CHST8: variants seen among roughly 807,000 people sequenced by gnomAD.
The protein encoded by CHST8 is carbohydrate sulfotransferase 8, also known as GALNAC-4-ST1.
A neutral mutation model predicts 15.0 loss-of-function variants in CHST8; 10 were observed. The ratio of observed to expected loss-of-function variants is 0.67; its 90% CI spans 0.41 to 1.13. The LOEUF is 1.13. Among genes scored for constraint, CHST8 ranks in the 50% most tolerant of loss-of-function variants. The pLI is 0.00. For synonymous variants in CHST8, 259 were observed against 256.6 expected, an observed-to-expected ratio of 1.01 and a Z score of -0.09; for missense variants, 634 against 608.2, an observed-to-expected ratio of 1.04 and a Z score of -0.45.
intron 3 of CHST8, among the ~76,000 whole-genome samples, chr19:33,706,137 G>C (rs985872844): frequency 1.3e-5 from 2 of 152,164 alleles, no homozygotes; most frequent in Admixed American, 1.3e-4. Context: ...AAGTCTTCTT[G>C]GTGACCGGAC....
At chr19:33,727,947 C>T (rs776329726) in intron 3 of CHST8, among the ~76,000 whole-genome samples, 3 of 152,218 alleles carry the variant, frequency 2.0e-5, no homozygotes, top group Non-Finnish European at 2.9e-5. Flanking sequence ...GGCCCAGCCC[C>T]GGCCCACACT....
intron 2 of CHST8, among the ~76,000 whole-genome samples, chr19:33,688,118 G>A (rs1047537205): frequency 2.0e-5 from 3 of 152,194 alleles, no homozygotes; most frequent in Admixed American, 6.5e-5. Flanking sequence ...GCGGGGTTGG[G>A]GGGTCCCTAG....
At chr19:33,640,819 C>T (rs1972274173) in intron 1 of CHST8, among the ~76,000 whole-genome samples, 1 of 152,172 alleles carries the variant, frequency 6.6e-6, no homozygotes, top group Non-Finnish European at 1.5e-5. Context: ...ACGACGCCTC[C>T]CTGCTGGCCC....
intron 3 of CHST8, among the ~76,000 whole-genome samples, chr19:33,763,630 A>G (rs974097990): frequency 3.3e-5 from 5 of 152,222 alleles, no homozygotes; most frequent in Non-Finnish European, 5.9e-5. Context: ...TCCCATGAAC[A>G]CAGATGAGAA....
chr19:33,694,885 A>G (rs1041130733), intron 3 of CHST8, among the ~76,000 whole-genome samples: 8 of 151,814 alleles, frequency 5.3e-5, no homozygotes, highest in African/African-American at 2.4e-5. Flanking sequence ...CTAGCTTTAC[A>G]TGTTCTAATG....
At chr19:33,763,589 G>A (rs8112008) in intron 3 of CHST8, among the ~76,000 whole-genome samples, 38,292 of 152,180 alleles carry the variant, frequency 0.25, 5,027 homozygotes, top group African/African-American at 0.27. Context: ...GTGCCCTGGG[G>A]ACCCAGCAGA....
At chr19:33,764,200 G>T (rs1465315523) in intron 3 of CHST8, among the ~76,000 whole-genome samples, 1 of 152,158 alleles carries the variant, frequency 6.6e-6, no homozygotes, top group Non-Finnish European at 1.5e-5. Context: ...TGGGCATTGT[G>T]CCAGAATGAC....
intron 1 of CHST8, among the ~76,000 whole-genome samples, chr19:33,637,063 C>T (rs1467183568): frequency 6.6e-6 from 1 of 152,176 alleles, no homozygotes; most frequent in African/African-American, 2.4e-5. Context: ...AGGGTAACTT[C>T]CTGATGTTGC....
At chr19:33,770,658 G>A (rs1396868620) in intron 3 of CHST8, among the ~76,000 whole-genome samples, 2 of 152,218 alleles carry the variant, frequency 1.3e-5, no homozygotes, top group Non-Finnish European at 2.9e-5. Context: ...GGCAGAGGGG[G>A]CGTTCCAGAG....
At chr19:33,652,051 T>C (rs1202401314) in intron 1 of CHST8, among the ~76,000 whole-genome samples, 1 of 152,220 alleles carries the variant, frequency 6.6e-6, no homozygotes, top group Non-Finnish European at 1.5e-5. Context: ...TTTGTAATCT[T>C]ACCAACTTTG....
chr19:33,689,366 G>A lies in CHST8; in HGVS notation c.105G>A (p.Thr35=), dbSNP rs143467252. 173 of 1,603,738 alleles carry A rather than the reference G, an allele frequency of 1.1e-4. No individual in the cohort carries two copies. Among genetic ancestry groups the A allele is most frequent in the Non-Finnish European group, 1.3e-4 (153 of 1,176,894 alleles). The change falls in exon 3 of 5, where the codon ACG becomes ACA. Residue 35 remains threonine (T), a synonymous_variant. Coordinates refer to ENST00000650847, the MANE Select transcript of CHST8 (RefSeq NM_001127895.2). ...LLLFISLQDP[T]ELAPQQVPGI... is the part of the protein sequence containing the mutation. ...TCTTCATCAGCCTGCAGGACCCTAC[G>A]GAGCTCGCCCCCCAGCAGGTGCCAG...
At chr19:33,682,574 C>T (rs1025680864) in intron 2 of CHST8, among the ~76,000 whole-genome samples, 1 of 152,224 alleles carries the variant, frequency 6.6e-6, no homozygotes, top group Admixed American at 6.5e-5. Context: ...TCCTTCCAGT[C>T]CCTGGTAACC....
chr19:33,663,610 C>T (rs771110765), intron 1 of CHST8, among the ~76,000 whole-genome samples: 1 of 152,160 alleles, frequency 6.6e-6, no homozygotes, highest in Non-Finnish European at 1.5e-5. Flanking sequence ...GTGGCTCACG[C>T]CTGTAATCCT....
intron 1 of CHST8, among the ~76,000 whole-genome samples, chr19:33,651,870 T>C (rs1972453195): frequency 6.6e-6 from 1 of 152,210 alleles, no homozygotes; most frequent in Admixed American, 6.5e-5. Context: ...TCTCCTCTAA[T>C]AGTTGCGTTC....
intron 1 of CHST8, among the ~76,000 whole-genome samples, chr19:33,625,274 G>C (rs1048979179): frequency 6.6e-6 from 1 of 151,918 alleles, no homozygotes. Context: ...GTAGAGACAG[G>C]GTTTCACCAT....
At chr19:33,686,869 T>A (rs1363353136) in intron 2 of CHST8, among the ~76,000 whole-genome samples, 2 of 152,212 alleles carry the variant, frequency 1.3e-5, no homozygotes, top group African/African-American at 4.8e-5. Flanking sequence ...ATATGTGTGT[T>A]ATTGAACCCG....
intron 3 of CHST8, among the ~76,000 whole-genome samples, chr19:33,750,337 G>A (rs1238436201): frequency 6.6e-6 from 1 of 152,174 alleles, no homozygotes; most frequent in Non-Finnish European, 1.5e-5. Context: ...CACCAGCATA[G>A]GCACACGCTG....
At chr19:33,760,397 A>C (rs941641471) in intron 3 of CHST8, among the ~76,000 whole-genome samples, 7 of 151,206 alleles carry the variant, frequency 4.6e-5, no homozygotes, top group Non-Finnish European at 7.4e-5. Flanking sequence ...AGCTCACTGC[A>C]GCCTCTAACG....
rs1207722820 is a variant in CHST8, at chr19:33,773,021, C to T, written c.1233C>T (p.Tyr411=). The T allele has an allele frequency of 6.2e-7, 1 of 1,611,782 alleles. No individual in the cohort carries two copies. The highest frequency in any genetic ancestry group is 1.1e-5 in the South Asian group (1 of 91,058). Residue 411 remains tyrosine, a synonymous_variant, in exon 5 of 5, where the codon TAC becomes TAT. Coordinates refer to ENST00000650847, the MANE Select transcript of CHST8 (RefSeq NM_001127895.2). ...CCTACGACTTCTACTACATGGATTA[C>T]CTGATGTTCAACTATTCCAAGCCCT... ...QRTYDFYYMD[Y]LMFNYSKPFA...
Sources: gnomAD v4.1 joint callset for allele counts (sites outside exome capture counted in the v4.1 genomes callset) on GRCh38, gnomAD v4.1.1 for gene constraint, MANE v1.5 for transcripts, NCBI Gene and HGNC (gene_info 2026-07-23, HGNC 2026-07-21) for gene names.